Variants in CDC42BPB observed in about 807,000 individuals in gnomAD.
CDC42BPB encodes serine/threonine-protein kinase MRCK beta.
Under a neutral mutation model 214.9 loss-of-function variants are expected in CDC42BPB, and 37 were observed. That is an observed-to-expected ratio of 0.17 (90% CI 0.13 to 0.23). The LOEUF (loss-of-function observed/expected upper bound fraction) is 0.23, where lower values mean the gene tolerates loss of function less well. CDC42BPB is among the 10% of genes least tolerant of loss of function. The probability of loss-of-function intolerance (pLI) is 1.00; values close to 1 mark genes in which losing one functional copy is unlikely to be tolerated. For synonymous variants in CDC42BPB, 931 were observed against 884.0 expected, an observed-to-expected ratio of 1.05 and a Z score of -0.94; for missense variants, 1,694 against 2,227.0, an observed-to-expected ratio of 0.76 and a Z score of 4.82.
intron 24 of CDC42BPB, 49 bp from the exon 25 acceptor site, chr14:102,950,651 A>G: frequency 6.7e-7 from 1 of 1,493,068 alleles, no homozygotes; most frequent in Non-Finnish European, 8.9e-7. Context: ...CCTACAGAGA[A>G]GTCACTGCAG....
At chr14:103,044,002 GC>G (rs1435636984) in intron 1 of CDC42BPB, among the ~76,000 whole-genome samples, 1 of 152,072 alleles carries the variant, frequency 6.6e-6, no homozygotes, top group Non-Finnish European at 1.5e-5. Flanking sequence ...TAATATCAAT[GC>G]CATCCCTGAC....
At chr14:103,014,370 T>C (rs897628865) in intron 1 of CDC42BPB, among the ~76,000 whole-genome samples, 1 of 152,154 alleles carries the variant, frequency 6.6e-6, no homozygotes, top group African/African-American at 2.4e-5. Flanking sequence ...CAAGCCCAAA[T>C]CTGCATGTTT....
At chr14:103,053,705 T>G (rs761256244) in intron 1 of CDC42BPB, among the ~76,000 whole-genome samples, 5 of 145,520 alleles carry the variant, frequency 3.4e-5, no homozygotes, top group Non-Finnish European at 7.5e-5. Flanking sequence ...GAGCTTGCAG[T>G]GAGCCGAGAT....
intron 30 of CDC42BPB, 104 bp from the exon 31 acceptor site, chr14:102,940,428 C>T: frequency 6.6e-7 from 1 of 1,523,814 alleles, no homozygotes; most frequent in Non-Finnish European, 8.8e-7. Flanking sequence ...GCAGAGGCGG[C>T]AGCACTGCCC....
At chr14:102,937,529 G>A (rs571561306) in intron 36 of CDC42BPB, among the ~76,000 whole-genome samples, 208 of 151,950 alleles carry the variant, frequency 1.4e-3, no homozygotes, top group African/African-American at 4.7e-3. Flanking sequence ...CAAGGATGGC[G>A]CCGGGGGCTA....
chr14:102,967,135 A>G lies in CDC42BPB; in HGVS notation c.2382T>C (p.Asn794=), dbSNP rs1355587511. The G allele has an allele frequency of 6.2e-7, 1 of 1,614,034 alleles. No homozygotes were observed. The highest frequency in any genetic ancestry group is 1.3e-5 in the African/African-American group (1 of 74,936). The part of the protein sequence containing the change: ...CSFVDKLTAQ[N]RQLEDELQDL... ...CCTGCAGCTCATCCTCCAGCTGTCTATTTTGAGCTGTGAGTTTATCCACAA... is the reference window on the plus strand; with the variant it reads ...CCTGCAGCTCATCCTCCAGCTGTCTGTTTTGAGCTGTGAGTTTATCCACAA... Residue 794 remains asparagine (N), a synonymous_variant, in exon 17 of 37, where the codon AAT becomes AAC. Coordinates refer to ENST00000361246, the MANE Select transcript of CDC42BPB (RefSeq NM_006035.4).
chr14:102,979,244 C>T (rs1297976670), intron 8 of CDC42BPB, among the ~76,000 whole-genome samples: 3 of 148,702 alleles, frequency 2.0e-5, no homozygotes, highest in Non-Finnish European at 3.0e-5. Context: ...GATGGACTCT[C>T]GCTCTGTCAC....
chr14:102,939,540 C>G (rs1595444796), intron 34 of CDC42BPB, 70 bp downstream of exon 34: 1 of 1,140,174 alleles, frequency 8.8e-7, no homozygotes, highest in African/African-American at 1.5e-5. Context: ...CAGTCTCAGC[C>G]AGCATGGCTG....
rs1041466185 is a variant in CDC42BPB at position 102,974,218 on chromosome 14, G to A, written c.1508-69C>T. The A allele has an allele frequency of 5.1e-6, 8 of 1,564,928 alleles. No homozygotes were observed. The African/African-American group carries it at 5.6e-5, about 11-fold the overall frequency. ...ACTATATGTAAACTTTATGTTAGCT[G>A]ACTTACTGACAGGAAATTATTTAAT... On this transcript the variant is annotated intron_variant, in intron 11 of 36. Coordinates refer to ENST00000361246, the MANE Select transcript of CDC42BPB (RefSeq NM_006035.4).
chr14:102,979,021 TA>T (rs1893882650), intron 8 of CDC42BPB, among the ~76,000 whole-genome samples: 2 of 152,182 alleles, frequency 1.3e-5, no homozygotes, highest in South Asian at 4.1e-4. Context: ...ATAAAAAATA[TA>T]AGCAAAGTTC....
chr14:102,950,379 G>A, intron 25 of CDC42BPB, 87 bp downstream of exon 25: 4 of 1,523,750 alleles, frequency 2.6e-6, no homozygotes, highest in Non-Finnish European at 1.8e-6. Flanking sequence ...CGCAGCAAGG[G>A]GCTGCTTTCA....
At chr14:102,971,301 G>T (rs1893462167) in intron 13 of CDC42BPB, among the ~76,000 whole-genome samples, 1 of 152,226 alleles carries the variant, frequency 6.6e-6, no homozygotes, top group Non-Finnish European at 1.5e-5. Flanking sequence ...ATGTTAACAT[G>T]AAATGGGTTT....
chr14:103,052,222 C>T (rs1185184041), intron 1 of CDC42BPB, among the ~76,000 whole-genome samples: 1 of 152,178 alleles, frequency 6.6e-6, no homozygotes, highest in African/African-American at 2.4e-5. Flanking sequence ...CAGTATCAAA[C>T]AGCTACCATA....
intron 9 of CDC42BPB, among the ~76,000 whole-genome samples, chr14:102,977,510 A>C (rs183747803): frequency 1.4e-3 from 217 of 152,104 alleles, no homozygotes; most frequent in African/African-American, 4.9e-3. Flanking sequence ...TCTTGGCCCC[A>C]GTTTCCTTTT....
chr14:102,938,279 G>T (rs890992372), intron 35 of CDC42BPB, 27 bp downstream of exon 35: 6 of 1,604,692 alleles, frequency 3.7e-6, no homozygotes, highest in Non-Finnish European at 4.3e-6. Flanking sequence ...CTCCCCCAGG[G>T]CTGCGGGGGC....
chr14:102,977,326 G>T (rs915395596), intron 9 of CDC42BPB, among the ~76,000 whole-genome samples: 1 of 124,406 alleles, frequency 8.0e-6, no homozygotes, highest in Non-Finnish European at 1.6e-5. Flanking sequence ...GCGACAGAGC[G>T]AGACTCCGTC....
In CDC42BPB at chr14:102,974,125, A is replaced by G; in HGVS notation, c.1532T>C (p.Leu511Pro). Residue 511 changes from leucine (L) to proline (P), a missense_variant, in exon 12 of 37, where the codon CTT (leucine) becomes CCT (proline). Leu to Pro is a moderately conservative substitution (Grantham distance 98, BLOSUM62 -3). This residue lies in a region of CDC42BPB where 462 missense variants were observed against 513.5 expected (regional missense o/e 0.90). Coordinates refer to ENST00000361246, the MANE Select transcript of CDC42BPB (RefSeq NM_006035.4). ...IADSNRLERQ[L>P]EDTVALRQER... is the part of the protein sequence containing the mutation. Reference sequence around the variant, plus strand: ...TTGGCGAAGCGCCACTGTGTCCTCAAGCTGTCGCTCGAGCCTGTTTGAATC... The same window carrying G: ...TTGGCGAAGCGCCACTGTGTCCTCAGGCTGTCGCTCGAGCCTGTTTGAATC... 1 of 1,613,884 alleles carries G rather than the reference A, an allele frequency of 6.2e-7. No individual in the cohort carries two copies. Among genetic ancestry groups the G allele is most frequent in the Non-Finnish European group, 8.5e-7 (1 of 1,179,894 alleles).
intron 1 of CDC42BPB, among the ~76,000 whole-genome samples, chr14:103,016,679 G>A (rs1480812116): frequency 6.6e-6 from 1 of 152,130 alleles, no homozygotes; most frequent in Non-Finnish European, 1.5e-5. Context: ...AGATAAGGAA[G>A]AAAACGAGAA....
chr14:103,057,156 C>T lies in CDC42BPB; in HGVS notation c.18G>A (p.Arg6=). The change falls in exon 1 of 37, where the codon CGG becomes CGA. Residue 6 remains arginine (R), a synonymous_variant. Transcript: ENST00000361246. ...GGAGCAGCTGCTCCAGCTTCTTGAGCCGCACCTTGGCCGACATGGTGCCGC... is the reference window on the plus strand; with the variant it reads ...GGAGCAGCTGCTCCAGCTTCTTGAGTCGCACCTTGGCCGACATGGTGCCGC... MSAKV[R]LKKLEQLLLD... The T allele has an allele frequency of 6.7e-7, 1 of 1,483,940 alleles. No homozygotes were observed. The highest frequency in any genetic ancestry group is 8.9e-7 in the Non-Finnish European group (1 of 1,121,636). The allele number at this position is 1,483,940 out of a possible 1,614,324, so 91.9% of individuals were successfully genotyped here. A position where few individuals can be genotyped will look rare whatever the true frequency, so the allele number is the denominator to read the frequency against.
Sources: gnomAD v4.1 joint callset for allele counts (sites outside exome capture counted in the v4.1 genomes callset) on GRCh38, gnomAD v4.1.1 for gene constraint, gnomAD v4.1.1 regional missense constraint, MANE v1.5 for transcripts, NCBI Gene and HGNC (gene_info 2026-07-23, HGNC 2026-07-21) for gene names.